The following ZNF469 variants were observed in gnomAD, a reference collection of about 807,000 sequenced individuals.
ZNF469 encodes zinc finger protein 469.
A neutral mutation model predicts 1.0 loss-of-function variants in ZNF469; 1 was observed. The observed-to-expected ratio is 1.00, with a 90% CI of 0.35 to 4.73. The LOEUF (loss-of-function observed/expected upper bound fraction) is 4.73. ZNF469 is among the 30% of genes most tolerant of loss of function. The probability of loss-of-function intolerance (pLI) is 0.16; values close to 1 mark genes in which losing one functional copy is unlikely to be tolerated. For missense variants in ZNF469, 6,100 were observed against 5,356.3 expected (o/e 1.14, Z -4.33); for synonymous variants, 2,703 against 2,363.4 (o/e 1.14, Z -4.17).
chr16:88,336,179 A>G, the ZNF469 span, among the ~76,000 whole-genome samples: 1,108 of 107,404 alleles, frequency 0.01, 16 homozygotes, highest in African/African-American at 0.038. Context: ...CACCACACAC[A>G]TTCATCCTTC....
At chr16:88,359,332 G>C in the ZNF469 span, among the ~76,000 whole-genome samples, 1 of 151,748 alleles carries the variant, frequency 6.6e-6, no homozygotes, top group Non-Finnish European at 1.5e-5. Flanking sequence ...ATTTGCTATT[G>C]TCTGCTTCTG....
intron 1 of ZNF469, among the ~76,000 whole-genome samples, chr16:88,394,437 G>A (rs186640161): frequency 2.6e-5 from 4 of 152,244 alleles, no homozygotes; most frequent in South Asian, 4.1e-4. Context: ...ATAGTTTCAC[G>A]TTAACATGTG....
the ZNF469 span, among the ~76,000 whole-genome samples, chr16:88,190,829 C>T: frequency 2.0e-5 from 3 of 152,214 alleles, 1 homozygote; most frequent in African/African-American, 7.2e-5. Flanking sequence ...CCTGTTGCCT[C>T]TGTAACACAC....
the ZNF469 span, among the ~76,000 whole-genome samples, chr16:88,364,228 C>A: frequency 6.6e-6 from 1 of 152,204 alleles, no homozygotes; most frequent in East Asian, 1.9e-4. Flanking sequence ...TATCATTTCC[C>A]CTGCAATAAT....
the ZNF469 span, among the ~76,000 whole-genome samples, chr16:88,130,811 C>A: frequency 0.033 from 4,989 of 151,716 alleles, no homozygotes; most frequent in African/African-American, 0.11. Context: ...GATGTTACCT[C>A]GGCTGGTCTC....
chr16:88,212,683 C>T, the ZNF469 span, among the ~76,000 whole-genome samples: 1 of 152,186 alleles, frequency 6.6e-6, no homozygotes, highest in Non-Finnish European at 1.5e-5. Context: ...TGGGCTCAAG[C>T]AATCCTCCCA....
the ZNF469 span, among the ~76,000 whole-genome samples, chr16:88,163,149 G>T: frequency 8.2e-6 from 1 of 122,006 alleles, no homozygotes; most frequent in African/African-American, 3.3e-5. Context: ...TGGGTAGATA[G>T]GTGGGCAGTT....
At position 88,438,470 on chromosome 16, in the gene ZNF469, A is replaced by C; in HGVS notation, c.11000A>C (p.Lys3667Thr). The part of the protein sequence containing the change: ...SEGGPRGAFH[K>T]GSATKPAGCQ... ...GGGGGGCCCCGAGGCGCCTTCCACA[A>C]GGGCAGCGCCACCAAGCCTGCGGGC... The change falls in exon 3 of 3, where the codon AAG becomes ACG. Residue 3667 changes from lysine to threonine, a missense_variant. Physicochemically the swap from Lys to Thr is moderately conservative, Grantham distance 78 (BLOSUM62 -1). Transcript: ENST00000565624. 1 of 1,550,096 alleles carries C rather than the reference A, an allele frequency of 6.5e-7. No homozygotes were observed. Among genetic ancestry groups the C allele is most frequent in the Non-Finnish European group, 8.7e-7 (1 of 1,146,944 alleles).
At chr16:88,141,609 C>T in the ZNF469 span, among the ~76,000 whole-genome samples, 62 of 152,018 alleles carry the variant, frequency 4.1e-4, 4 homozygotes, top group Non-Finnish European at 4.7e-4. Flanking sequence ...GCCTCTCCCA[C>T]GGCAGTAGGG....
the ZNF469 span, among the ~76,000 whole-genome samples, chr16:88,191,237 TC>T: frequency 1.3e-5 from 2 of 152,084 alleles, no homozygotes; most frequent in African/African-American, 4.8e-5. Context: ...TTCTACTCTT[TC>T]CTTTCTTTGA....
At chr16:88,212,414 C>T in the ZNF469 span, among the ~76,000 whole-genome samples, 1 of 152,174 alleles carries the variant, frequency 6.6e-6, no homozygotes, top group African/African-American at 2.4e-5. Flanking sequence ...TACATCATCT[C>T]ATTTTCATTG....
chr16:88,166,444 A>C, the ZNF469 span, among the ~76,000 whole-genome samples: 1 of 152,086 alleles, frequency 6.6e-6, no homozygotes, highest in African/African-American at 2.4e-5. This position sits in a 1 kb window ranked among gnomAD's most constrained non-coding sequence, Gnocchi z 4.5. Context: ...GGTGAAATGC[A>C]CAAGTCTTAG....
chr16:88,197,965 A>G, the ZNF469 span, among the ~76,000 whole-genome samples: 2 of 152,198 alleles, frequency 1.3e-5, no homozygotes, highest in Non-Finnish European at 2.9e-5. Flanking sequence ...CCCTCTACTC[A>G]TTAGAAGCAT....
chr16:88,141,725 C>G, the ZNF469 span, among the ~76,000 whole-genome samples: 1 of 152,152 alleles, frequency 6.6e-6, no homozygotes, highest in Non-Finnish European at 1.5e-5. Context: ...AGGCGGGAGG[C>G]CAGGGGCAGG....
intron 1 of ZNF469, among the ~76,000 whole-genome samples, chr16:88,384,394 A>T (rs2092532729): frequency 6.6e-6 from 1 of 152,198 alleles, no homozygotes; most frequent in Non-Finnish European, 1.5e-5. Flanking sequence ...CATTCCTGAA[A>T]ATAAACAAAA....
chr16:88,249,761 A>G, the ZNF469 span, among the ~76,000 whole-genome samples: 5 of 152,108 alleles, frequency 3.3e-5, no homozygotes, highest in Admixed American at 3.3e-4. Flanking sequence ...TTATAGAGAC[A>G]GGGTCTTGCT....
chr16:88,317,359 G>A, the ZNF469 span, among the ~76,000 whole-genome samples: 18 of 152,354 alleles, frequency 1.2e-4, no homozygotes, highest in East Asian at 9.6e-4. Flanking sequence ...ATTCTTCTGC[G>A]GGTGAAACGT....
chr16:88,379,501 G>C (rs1026648003), upstream of ZNF469, among the ~76,000 whole-genome samples: 1 of 152,102 alleles, frequency 6.6e-6, no homozygotes, highest in African/African-American at 2.4e-5. Flanking sequence ...AAGAGGCGCT[G>C]CCAGGGCCAG....
At chr16:88,318,361 C>G in the ZNF469 span, among the ~76,000 whole-genome samples, 192 of 152,348 alleles carry the variant, frequency 1.3e-3, no homozygotes, top group African/African-American at 4.2e-3. Context: ...CGCTGCCCCC[C>G]CTTCCTCCTC....
Sources: allele counts gnomAD v4.1 joint callset (sites outside exome capture counted in the v4.1 genomes callset), GRCh38; gene constraint gnomAD v4.1.1; non-coding constraint Gnocchi (gnomAD v3.1); transcripts MANE v1.5; gene names NCBI Gene and HGNC (gene_info 2026-07-23, HGNC 2026-07-21).